Variants in TUT7 observed in about 807,000 individuals in gnomAD.
The protein encoded by TUT7 is terminal uridylyl transferase 7.
In TUT7, 33 loss-of-function variants were observed where a neutral mutation model predicts 165.9. The ratio of observed to expected loss-of-function variants is 0.20; its 90% CI spans 0.15 to 0.27. TUT7 has a LOEUF of 0.27. Among genes scored for constraint, TUT7 ranks in the 10% least tolerant of loss-of-function variants. The pLI is 1.00. For missense variants in TUT7, 1,338 were observed against 1,762.3 expected (o/e 0.76, Z 4.31); for synonymous variants, 552 against 608.1 (o/e 0.91, Z 1.36).
At position 86,343,128 on chromosome 9, in the gene TUT7, T is replaced by G; in HGVS notation, c.1033A>C (p.Arg345=). ...SLRLYGSSCS[R]LGFKNSDVNI... is the part of the protein sequence containing the mutation. ...ACATCCGAATTTTTGAAACCCAATC[T>G]GCTACAGGATGACCCATATAATCTT... The change falls in exon 6 of 27, where the codon AGA becomes CGA. Residue 345 remains arginine (R), a synonymous_variant. Coordinates refer to ENST00000375963, the MANE Select transcript of TUT7 (RefSeq NM_024617.4). 6.2e-7 allele frequency: 1 copy of G among 1,601,474 alleles called. No individual in the cohort carries two copies. Among genetic ancestry groups the G allele is most frequent in the Non-Finnish European group, 8.5e-7 (1 of 1,174,040 alleles).
At position 86,328,619 on chromosome 9, in the gene TUT7, A is replaced by C. The variant is rs189918033; in HGVS notation, c.1456-127T>G. On this transcript the variant is annotated intron_variant, in intron 10 of 26. Transcript: ENST00000375963. ...ATACAAAAGATATAATTTATGGACT[A>C]TCACAGAGACATCTATACATTTAAA... The C allele has an allele frequency of 4.4e-4, 297 of 678,874 alleles. No individual in the cohort carries two copies. The African/African-American group carries it at 5.2e-3, about 12-fold the overall frequency. The allele number at this position is 678,874 out of a possible 1,614,324, so 42.1% of individuals were successfully genotyped here. A position where few individuals can be genotyped will look rare whatever the true frequency, so the allele number is the denominator to read the frequency against.
chr9:86,328,688 A>C (rs1407971355), intron 10 of TUT7, among the ~76,000 whole-genome samples, 196 bp from the exon 11 acceptor site: 1 of 152,240 alleles, frequency 6.6e-6, no homozygotes, highest in Non-Finnish European at 1.5e-5. Flanking sequence ...TTGCAAAAGA[A>C]ATGGTGACTT....
chr9:86,353,745 AC>A (rs1832502884), intron 1 of TUT7, among the ~76,000 whole-genome samples: 2 of 152,156 alleles, frequency 1.3e-5, no homozygotes, highest in African/African-American at 4.8e-5. Flanking sequence ...TTCTGGACAG[AC>A]CGGCTTTGAG....
At chr9:86,292,770 C>T (rs533586075) in intron 26 of TUT7, among the ~76,000 whole-genome samples, 1 of 151,818 alleles carries the variant, frequency 6.6e-6, no homozygotes, top group South Asian at 2.1e-4. Flanking sequence ...TGAAACCCTT[C>T]TCTCTAAAAG....
chr9:86,319,194 TA>T, intron 15 of TUT7, 136 bp from the exon 16 acceptor site: 1 of 605,604 alleles, frequency 1.7e-6, no homozygotes, highest in Non-Finnish European at 2.8e-6. Context: ...GTTCTCTGAT[TA>T]ACTGGTCATT....
intron 4 of TUT7, among the ~76,000 whole-genome samples, 176 bp downstream of exon 4, chr9:86,345,493 C>T (rs544893619): frequency 1.3e-5 from 2 of 152,266 alleles, no homozygotes; most frequent in East Asian, 3.9e-4. Context: ...AGGAAATTCA[C>T]AAGATTAACC....
rs1249314243 is a variant in TUT7, at chr9:86,293,347, G to C, written c.4421-4603C>G. 1.4e-4 allele frequency among the ~76,000 whole-genome samples: 22 copies of C among 152,072 alleles called. 1 individual carries two copies. The highest frequency in any genetic ancestry group is 1.4e-3 in the Admixed American group (22 of 15,230). The stretch of plus-strand genomic sequence containing the variant: ...CTAGCTTATGGTCCCAGCTACTCGG[G>C]AGACTGAGATGGGAGGATCGCTTGA... On this transcript the variant is annotated intron_variant, in intron 26 of 26. Coordinates refer to ENST00000375963, the MANE Select transcript of TUT7 (RefSeq NM_024617.4).
In TUT7 at chr9:86,322,921, C is replaced by T; in HGVS notation, c.2829G>A (p.Gln943=). Residue 943 remains glutamine, a synonymous_variant, in exon 13 of 27, where the codon CAG becomes CAA. Coordinates refer to ENST00000375963, the MANE Select transcript of TUT7 (RefSeq NM_024617.4). Reference sequence around the variant, plus strand: ...TACTGAATTCATAAAAAAAATCAGACTGATCCACAGGTGAATTTTTTTCTT... The same window carrying T: ...TACTGAATTCATAAAAAAAATCAGATTGATCCACAGGTGAATTTTTTTCTT... ...VCEEKNSPVD[Q]SDFFYEFSKL... The T allele has an allele frequency of 5.0e-6, 8 of 1,591,496 alleles. No homozygotes were observed. Among genetic ancestry groups the T allele is most frequent in the Admixed American group, 1.7e-5 (1 of 57,240 alleles).
chr9:86,310,608 A>T, intron 18 of TUT7, 98 bp downstream of exon 18: 2 of 585,044 alleles, frequency 3.4e-6, no homozygotes, highest in Non-Finnish European at 5.8e-6. Flanking sequence ...AGATTCACTA[A>T]GATGAAATGA....
chr9:86,332,377 T>C (rs376736425), intron 10 of TUT7, among the ~76,000 whole-genome samples: 5 of 152,320 alleles, frequency 3.3e-5, no homozygotes, highest in African/African-American at 1.2e-4. Flanking sequence ...CCCAAGATCA[T>C]GTCTTTTGCA....
intron 26 of TUT7, among the ~76,000 whole-genome samples, chr9:86,300,804 A>G (rs1186110981): frequency 6.6e-6 from 1 of 152,204 alleles, no homozygotes; most frequent in Admixed American, 6.5e-5. Context: ...AGATTCACCC[A>G]CTGCTAACTA....
chr9:86,319,557 CTTAAAAA>C lies in TUT7; in HGVS notation c.3115+20_3115+26del, dbSNP rs1829037551. On this transcript the variant is annotated intron_variant, in intron 15 of 26. Transcript: ENST00000375963. ...TTGGAAAAAAGGTTACACTACTTTT[CTTAAAAA>C]TAAAAAATAAATCATTTACCTGGAA... 6.7e-7 allele frequency: 1 copy of C among 1,500,642 alleles called. No individual in the cohort carries two copies. The highest frequency in any genetic ancestry group is 9.1e-7 in the Non-Finnish European group (1 of 1,102,418). 93.0% of individuals were successfully genotyped at this position (1,500,642 alleles called of 1,614,324 possible). A position where few individuals can be genotyped will look rare whatever the true frequency, so the allele number is the denominator to read the frequency against.
At position 86,352,856 on chromosome 9, in the gene TUT7, T is replaced by G; in HGVS notation, c.344A>C (p.Glu115Ala). ...EHTGNSDNWREFKPGPRIPVI... is the reference protein window; with the variant it reads ...EHTGNSDNWRAFKPGPRIPVI... ...AGGAATTCTAGGTCCAGGTTTGAAT[T>G]CTCTCCAGTTGTCTGAATTACCAGT... Residue 115 changes from glutamate (E) to alanine (A), a missense_variant, in exon 2 of 27, where the codon GAA (glutamate) becomes GCA (alanine). Around this residue, in one of 7 missense-constraint regions of TUT7, gnomAD observed 434 missense variants for 480.8 expected, o/e 0.90. Transcript: ENST00000375963. 1 of 1,614,208 alleles carries G rather than the reference T, an allele frequency of 6.2e-7. No individual in the cohort carries two copies. The highest frequency in any genetic ancestry group is 8.5e-7 in the Non-Finnish European group (1 of 1,180,042).
intron 10 of TUT7, among the ~76,000 whole-genome samples, chr9:86,335,737 T>A (rs1290429465): frequency 6.6e-6 from 1 of 152,230 alleles, no homozygotes; most frequent in Admixed American, 6.5e-5. Flanking sequence ...ACTTAGTAAG[T>A]ATTAGTTCCA....
intron 8 of TUT7, among the ~76,000 whole-genome samples, chr9:86,339,277 A>T: frequency 6.6e-6 from 1 of 152,312 alleles, no homozygotes; most frequent in Non-Finnish European, 1.5e-5. Flanking sequence ...CTGTAATCCC[A>T]GCACTTTGGG....
intron 10 of TUT7, among the ~76,000 whole-genome samples, chr9:86,329,890 G>A (rs979557779): frequency 6.6e-6 from 1 of 152,020 alleles, no homozygotes; most frequent in Non-Finnish European, 1.5e-5. Context: ...ACTTTATTCA[G>A]CTCTGCTCAA....
Position 86,345,048 on chromosome 9 carries a change from T to G in TUT7, c.926A>C (p.His309Pro), listed in dbSNP as rs914214054. Reference protein sequence around the residue: ...IDKVVQEFGLHNENLEQRLEI... With the variant: ...IDKVVQEFGLPNENLEQRLEI... ...CAGCCTCTGTTCCAAGTTCTCATTG[T>G]GTAAGCCAAATTCCTGTACCACTTT... is the stretch of plus-strand genomic sequence containing the variant. Residue 309 changes from histidine (H) to proline (P), a missense_variant, in exon 5 of 27, where the codon CAC becomes CCC. Physicochemically the swap from His to Pro is moderately conservative, Grantham distance 77. Coordinates refer to ENST00000375963, the MANE Select transcript of TUT7 (RefSeq NM_024617.4). 6.2e-7 allele frequency: 1 copy of G among 1,613,954 alleles called. No homozygotes were observed. Among genetic ancestry groups the G allele is most frequent in the Non-Finnish European group, 8.5e-7 (1 of 1,179,932 alleles).
chr9:86,292,849 C>A (rs1208855400), intron 26 of TUT7, among the ~76,000 whole-genome samples: 1 of 152,078 alleles, frequency 6.6e-6, no homozygotes, highest in East Asian at 1.9e-4. Flanking sequence ...CTGCTACTTG[C>A]CCGTTTCTGT....
In TUT7 at chr9:86,288,487, GTGGTAGATAAGAC is replaced by G. The variant is rs1285955916; in HGVS notation, c.*177_*189del. ...AAAATCCTTAAATCTATGGGGATGT[GTGGTAGATAAGAC>G]TATATTAAAAATTTTTCCTCATTAA... On this transcript the variant is annotated 3_prime_UTR_variant, in exon 27 of 27. Coordinates refer to ENST00000375963, the MANE Select transcript of TUT7 (RefSeq NM_024617.4). 1 of 431,828 alleles carries G rather than the reference GTGGTAGATAAGAC, an allele frequency of 2.3e-6. No homozygotes were observed. Among genetic ancestry groups the G allele is most frequent in the Non-Finnish European group, 4.2e-6 (1 of 240,018 alleles). 26.7% of individuals were successfully genotyped at this position (431,828 alleles called of 1,614,324 possible). A position where few individuals can be genotyped will look rare whatever the true frequency, so the allele number is the denominator to read the frequency against.
Sources: gnomAD v4.1 joint callset for allele counts (sites outside exome capture counted in the v4.1 genomes callset) on GRCh38, gnomAD v4.1.1 for gene constraint, gnomAD v4.1.1 regional missense constraint, MANE v1.5 for transcripts, NCBI Gene and HGNC (gene_info 2026-07-23, HGNC 2026-07-21) for gene names.